Variants in RORA observed in about 807,000 individuals in gnomAD.
The protein encoded by RORA is RAR related orphan receptor A.
A neutral mutation model predicts 69.5 loss-of-function variants in RORA; 7 were observed. The ratio of observed to expected loss-of-function variants is 0.10; its 90% CI spans 0.06 to 0.19. RORA has a LOEUF of 0.19. Ranked by LOEUF, RORA falls within the 10% of genes least tolerant of loss-of-function variation. RORA has a pLI of 1.00. For missense variants in RORA, 457 were observed against 663.0 expected (o/e 0.69, Z 3.41); for synonymous variants, 261 against 240.8 (o/e 1.08, Z -0.78).
chr15:61,059,823 G>T (rs780077706), intron 1 of RORA, among the ~76,000 whole-genome samples: 1 of 151,812 alleles, frequency 6.6e-6, no homozygotes, highest in Non-Finnish European at 1.5e-5. Flanking sequence ...AAGAAAAAGG[G>T]ATTTGGTTAC....
At chr15:60,819,763 A>ACACACACACACACACG (rs1314728795) in intron 1 of RORA, among the ~76,000 whole-genome samples, 3 of 140,806 alleles carry the variant, frequency 2.1e-5, no homozygotes, top group African/African-American at 7.6e-5. Flanking sequence ...ACACACACAC[A>ACACACACACACACACG]CACACACACA....
At chr15:60,903,006 G>C (rs1290967052) in intron 1 of RORA, among the ~76,000 whole-genome samples, 1 of 152,176 alleles carries the variant, frequency 6.6e-6, no homozygotes, top group Non-Finnish European at 1.5e-5. Context: ...AGAGAAAGTA[G>C]GCTAATCCGA....
intron 1 of RORA, among the ~76,000 whole-genome samples, chr15:60,798,507 A>G (rs1430911635): frequency 1.3e-5 from 2 of 151,978 alleles, no homozygotes; most frequent in African/African-American, 4.8e-5. Context: ...GCTCATTGGA[A>G]GAGGAGACAG....
In RORA at chr15:60,531,557, G is replaced by C; in HGVS notation, c.282+209C>G. 2.0e-6 allele frequency: 1 copy of C among 488,106 alleles called. No individual in the cohort carries two copies. The highest frequency in any genetic ancestry group is 3.5e-6 in the Non-Finnish European group (1 of 281,936). The allele number at this position is 488,106 out of a possible 1,614,324, so 30.2% of individuals were successfully genotyped here. ...ACAAGCAATGCTCAAATACCTTTTT[G>C]TAATCTCCTATTATTTTGAAGGAAG... On this transcript the variant is annotated intron_variant, in intron 3 of 10. Coordinates refer to ENST00000335670, the MANE Select transcript of RORA (RefSeq NM_134261.3). The surrounding 1 kb of genome is among the most constrained non-coding windows in gnomAD (Gnocchi z 4.8).
At chr15:60,879,483 G>A (rs1428809371) in intron 1 of RORA, among the ~76,000 whole-genome samples, 1 of 152,080 alleles carries the variant, frequency 6.6e-6, no homozygotes, top group Non-Finnish European at 1.5e-5. Flanking sequence ...ACTTAGAGAA[G>A]GGAAAGCAAA....
chr15:61,048,563 G>A (rs1380010709), intron 1 of RORA, among the ~76,000 whole-genome samples: 1 of 152,160 alleles, frequency 6.6e-6, no homozygotes, highest in Non-Finnish European at 1.5e-5. Flanking sequence ...CTGAAAGCCC[G>A]GTGAGCGTCA....
intron 2 of RORA, among the ~76,000 whole-genome samples, chr15:60,569,120 T>C (rs1484899137): frequency 6.6e-6 from 1 of 152,072 alleles, no homozygotes; most frequent in Non-Finnish European, 1.5e-5. Flanking sequence ...GAAAATTGGT[T>C]GAATTAAATT....
chr15:60,780,289 G>C (rs2072234546), intron 1 of RORA, among the ~76,000 whole-genome samples: 1 of 152,178 alleles, frequency 6.6e-6, no homozygotes, highest in Non-Finnish European at 1.5e-5. Context: ...TCTGGAACTA[G>C]GGCCTATGCG....
At chr15:60,997,392 C>T (rs1049860327) in intron 1 of RORA, among the ~76,000 whole-genome samples, 17 of 151,994 alleles carry the variant, frequency 1.1e-4, no homozygotes, top group Non-Finnish European at 1.9e-4. Context: ...ATGAATCTTC[C>T]GAGAGTCAAG....
intron 1 of RORA, among the ~76,000 whole-genome samples, chr15:61,072,467 C>G (rs2078381368): frequency 2.0e-5 from 3 of 152,202 alleles, no homozygotes; most frequent in Non-Finnish European, 4.4e-5. Flanking sequence ...AGTTATAACT[C>G]TAAATGCTGA....
intron 1 of RORA, among the ~76,000 whole-genome samples, chr15:61,070,542 C>A (rs1300949290): frequency 1.3e-5 from 2 of 152,208 alleles, no homozygotes; most frequent in African/African-American, 4.8e-5. Flanking sequence ...CAGATTTTTT[C>A]CACGGAAATA....
chr15:60,684,507 C>T (rs1471148725), intron 1 of RORA, among the ~76,000 whole-genome samples: 1 of 152,042 alleles, frequency 6.6e-6, no homozygotes, highest in Non-Finnish European at 1.5e-5. Flanking sequence ...ATCCCAGCTA[C>T]TCGGGAGACT....
chr15:60,941,757 C>A lies in RORA; in HGVS notation c.167-263071G>T, dbSNP rs555218995. ...ATTCCACATGTTAGCATTAGCAACC[C>A]AAGACCTCCCTCTCCTCACTGATCT... On this transcript the variant is annotated intron_variant, in intron 1 of 10. Coordinates refer to ENST00000335670, the MANE Select transcript of RORA (RefSeq NM_134261.3). Among the ~76,000 whole-genome samples, 3 of 152,324 alleles carry A rather than the reference C, an allele frequency of 2.0e-5. No homozygotes were observed. In the East Asian group the frequency reaches 5.8e-4, roughly 29 times the overall value.
In RORA at chr15:60,588,458, A is replaced by ATCCATCCT. The variant is rs1243940318; in HGVS notation, c.197-56608_197-56607insAGGATGGA. ...CCTCTGCAAATCTATTCATCCATCC[A>ATCCATCCT]TCCATCCATCCATCCATCCATCCAG... On this transcript the variant is annotated intron_variant, in intron 2 of 10. Coordinates refer to ENST00000335670, the MANE Select transcript of RORA (RefSeq NM_134261.3). Among the ~76,000 whole-genome samples, 2 of 151,868 alleles carry ATCCATCCT rather than the reference A, an allele frequency of 1.3e-5. 1 individual carries two copies.
At chr15:60,516,175 ATATATATATTTATATATATATT>A (rs1567052228) in intron 3 of RORA, among the ~76,000 whole-genome samples, 6 of 28,290 alleles carry the variant, frequency 2.1e-4, no homozygotes, top group African/African-American at 6.2e-4. Flanking sequence ...ATATATATTT[ATATATATATTTATATATATATT>A]TATATATATA....
intron 1 of RORA, among the ~76,000 whole-genome samples, chr15:60,877,385 A>G (rs1295717350): frequency 6.6e-6 from 1 of 152,222 alleles, no homozygotes; most frequent in African/African-American, 2.4e-5. Flanking sequence ...TTTTATAAGA[A>G]TACAGTAATA....
At chr15:61,177,026 T>C (rs1327528896) in intron 1 of RORA, among the ~76,000 whole-genome samples, 1 of 152,190 alleles carries the variant, frequency 6.6e-6, no homozygotes. Flanking sequence ...CAGGATTGGT[T>C]GGCCTTAAAT....
intron 2 of RORA, among the ~76,000 whole-genome samples, chr15:60,674,799 A>G (rs1657801): frequency 0.19 from 28,564 of 152,044 alleles, 2,997 homozygotes; most frequent in East Asian, 0.27. Context: ...AAACTGACAC[A>G]TTTTCCTGAC....
At chr15:60,941,959 A>C (rs985428683) in intron 1 of RORA, among the ~76,000 whole-genome samples, 2 of 152,260 alleles carry the variant, frequency 1.3e-5, no homozygotes, top group African/African-American at 4.8e-5. Flanking sequence ...ATTACCCACC[A>C]GTCCAGTGAG....
Sources: gnomAD v4.1 joint callset for allele counts (sites outside exome capture counted in the v4.1 genomes callset) on GRCh38, gnomAD v4.1.1 for gene constraint, Gnocchi (gnomAD v3.1) non-coding constraint, MANE v1.5 for transcripts, NCBI Gene and HGNC (gene_info 2026-07-23, HGNC 2026-07-21) for gene names.